Variants in CACNA2D3 observed in about 807,000 individuals in gnomAD.
CACNA2D3 encodes calcium voltage-gated channel auxiliary subunit alpha2delta 3.
A neutral mutation model predicts 160.6 loss-of-function variants in CACNA2D3; 60 were observed. That is an observed-to-expected ratio of 0.37 (90% confidence interval 0.30 to 0.46). The LOEUF (loss-of-function observed/expected upper bound fraction) is 0.46, where lower values mean the gene tolerates loss of function less well. CACNA2D3 is among the 20% of genes least tolerant of loss of function. CACNA2D3 has a pLI of 1.00. For missense variants in CACNA2D3, 1,205 were observed against 1,365.0 expected (o/e 0.88, Z 1.85); for synonymous variants, 558 against 492.9 (o/e 1.13, Z -1.75).
chr3:54,368,787 C>T (rs974749552), intron 3 of CACNA2D3, among the ~76,000 whole-genome samples: 13 of 144,444 alleles, frequency 9.0e-5, no homozygotes, highest in Non-Finnish European at 9.0e-5. Flanking sequence ...CTGCAAGCTC[C>T]GCCTCCTGGG....
intron 9 of CACNA2D3, among the ~76,000 whole-genome samples, chr3:54,592,492 T>G (rs2106757974): frequency 6.6e-6 from 1 of 152,276 alleles, no homozygotes; most frequent in East Asian, 1.9e-4. Context: ...CATGACAAAT[T>G]GGGTGAGCCT....
chr3:54,591,006 A>AT (rs572602909), intron 9 of CACNA2D3, among the ~76,000 whole-genome samples: 3 of 151,962 alleles, frequency 2.0e-5, no homozygotes, highest in Admixed American at 6.6e-5. Flanking sequence ...ACGACAAAGC[A>AT]TTTTTTTTAT....
chr3:54,205,327 A>T (rs561757276), intron 2 of CACNA2D3, among the ~76,000 whole-genome samples: 1 of 152,218 alleles, frequency 6.6e-6, no homozygotes, highest in South Asian at 2.1e-4. Context: ...TCCTGACCTC[A>T]GGTGATCCAC....
intron 13 of CACNA2D3, among the ~76,000 whole-genome samples, chr3:54,788,287 G>A (rs1330640743): frequency 1.3e-5 from 2 of 152,134 alleles, no homozygotes; most frequent in Non-Finnish European, 2.9e-5. Flanking sequence ...AGCCTGTTGA[G>A]GTGAACATGT....
chr3:54,944,395 G>GGTAT (rs1355239710), intron 27 of CACNA2D3, among the ~76,000 whole-genome samples: 12 of 145,866 alleles, frequency 8.2e-5, no homozygotes, highest in East Asian at 2.0e-4. Context: ...AATTTCCCAG[G>GGTAT]GTATTTATTT....
chr3:54,414,415 A>G (rs1054736055), intron 4 of CACNA2D3, among the ~76,000 whole-genome samples: 1 of 152,166 alleles, frequency 6.6e-6, no homozygotes, highest in Non-Finnish European at 1.5e-5. Flanking sequence ...GCAACTTTAC[A>G]GTAATGATAA....
chr3:54,723,565 A>G (rs915705064), intron 11 of CACNA2D3, among the ~76,000 whole-genome samples: 7 of 152,222 alleles, frequency 4.6e-5, no homozygotes, highest in Non-Finnish European at 7.4e-5. Context: ...TGTGAAAATC[A>G]TAGGACAAGC....
intron 27 of CACNA2D3, chr3:54,927,853 C>G (rs374215134): frequency 6.3e-7 from 1 of 1,599,332 alleles, no homozygotes; most frequent in African/African-American, 1.3e-5. Context: ...TGAGGGGATA[C>G]CATCTTTCTC....
chr3:54,794,947 A>G (rs1702838147), intron 13 of CACNA2D3, among the ~76,000 whole-genome samples: 1 of 152,110 alleles, frequency 6.6e-6, no homozygotes, highest in African/African-American at 2.4e-5. Flanking sequence ...TTTTTATCAA[A>G]CTAAAGATAT....
chr3:54,455,766 T>G (rs193008527), intron 4 of CACNA2D3, among the ~76,000 whole-genome samples: 3 of 152,054 alleles, frequency 2.0e-5, no homozygotes, highest in African/African-American at 2.4e-5. Flanking sequence ...GTGAGAGATA[T>G]GGGTTTAGTT....
At chr3:54,741,866 ATTTAT>A (rs1240153328) in intron 11 of CACNA2D3, among the ~76,000 whole-genome samples, 1 of 151,526 alleles carries the variant, frequency 6.6e-6, no homozygotes, top group Non-Finnish European at 1.5e-5. Flanking sequence ...TTTCATATAA[ATTTAT>A]TTTATTTTTT....
chr3:54,767,185 G>A, intron 13 of CACNA2D3, among the ~76,000 whole-genome samples: 1 of 151,946 alleles, frequency 6.6e-6, no homozygotes, highest in East Asian at 1.9e-4. Flanking sequence ...CAAGATTGGG[G>A]GGAAATTAAA....
chr3:54,815,147 C>G (rs2106709623), intron 13 of CACNA2D3, among the ~76,000 whole-genome samples: 1 of 152,210 alleles, frequency 6.6e-6, no homozygotes, highest in East Asian at 1.9e-4. Flanking sequence ...TTGAAAAGCA[C>G]TGGAGGAGCT....
intron 4 of CACNA2D3, among the ~76,000 whole-genome samples, chr3:54,432,438 A>G (rs964297106): frequency 6.6e-6 from 1 of 152,222 alleles, no homozygotes; most frequent in African/African-American, 2.4e-5. Flanking sequence ...GAATTCTAGA[A>G]TACAATGTTT....
intron 2 of CACNA2D3, among the ~76,000 whole-genome samples, chr3:54,307,060 A>G (rs555119859): frequency 5.9e-5 from 9 of 152,212 alleles, no homozygotes; most frequent in African/African-American, 2.2e-4. Context: ...TGCCGACTCC[A>G]GACTGGCTCA....
At chr3:54,763,677 GTA>G (rs1438260899) in intron 12 of CACNA2D3, among the ~76,000 whole-genome samples, 22 of 139,096 alleles carry the variant, frequency 1.6e-4, no homozygotes, top group Non-Finnish European at 2.6e-4. Flanking sequence ...GTGTATATAT[GTA>G]TATATGTGTG....
chr3:54,289,985 G>C (rs1703144921), intron 2 of CACNA2D3, among the ~76,000 whole-genome samples: 1 of 151,318 alleles, frequency 6.6e-6, no homozygotes, highest in African/African-American at 2.4e-5. Context: ...TACCATTCAG[G>C]ACATAGGCAT....
At chr3:54,366,580 T>C (rs1698831529) in intron 3 of CACNA2D3, among the ~76,000 whole-genome samples, 1 of 152,178 alleles carries the variant, frequency 6.6e-6, no homozygotes, top group Admixed American at 6.5e-5. Context: ...GCTCCACATA[T>C]GTACTAGATT....
At chr3:54,968,618 T>C in intron 28 of CACNA2D3, 107 bp downstream of exon 28, 1 of 763,016 alleles carries the variant, frequency 1.3e-6, no homozygotes, top group African/African-American at 1.7e-5. Context: ...TGAATGTTTG[T>C]AAAATCAACT....
Sources: gnomAD v4.1 joint callset for allele counts (sites outside exome capture counted in the v4.1 genomes callset) on GRCh38, gnomAD v4.1.1 for gene constraint, MANE v1.5 for transcripts, NCBI Gene and HGNC (gene_info 2026-07-23, HGNC 2026-07-21) for gene names.